CYP3A5: variants seen among roughly 807,000 people sequenced by gnomAD.
The protein encoded by CYP3A5 is cytochrome P450 family 3 subfamily A member 5, also known as cytochrome P450 3A5.
CYP3A5 carries 51 observed loss-of-function variants against 55.9 expected under a neutral mutation model. The ratio of observed to expected loss-of-function variants is 0.91; its 90% CI spans 0.73 to 1.15. The LOEUF is 1.15. Ranked by LOEUF, CYP3A5 falls within the 50% of genes most tolerant of loss-of-function variation. The probability of loss-of-function intolerance (pLI) is 0.00; values close to 1 mark genes in which losing one functional copy is unlikely to be tolerated. For missense variants in CYP3A5, 533 were observed against 596.6 expected (o/e 0.89, Z 1.11); for synonymous variants, 196 against 213.9 (o/e 0.92, Z 0.73).
In CYP3A5 at chr7:99,662,982, C is replaced by T. The variant is rs1810598900; in HGVS notation, c.799-100G>A. On this transcript the variant is annotated intron_variant, in intron 8 of 12. Coordinates refer to ENST00000222982, the MANE Select transcript of CYP3A5 (RefSeq NM_000777.5). The surrounding 1 kb of genome is among the most constrained non-coding windows in gnomAD (Gnocchi z 4.3). Reference sequence around the variant, plus strand: ...CAACCTCCCTTCTTGACTTCCCTCCCTCAACCTCCCTATGGCTTCTTGAAG... The same window carrying T: ...CAACCTCCCTTCTTGACTTCCCTCCTTCAACCTCCCTATGGCTTCTTGAAG... The T allele has an allele frequency of 6.4e-7, 1 of 1,552,590 alleles. No homozygotes were observed. The highest frequency in any genetic ancestry group is 2.3e-5 in the East Asian group (1 of 43,070).
At chr7:99,675,202 A>G (rs1402773072) in intron 2 of CYP3A5, among the ~76,000 whole-genome samples, 1 of 152,234 alleles carries the variant, frequency 6.6e-6, no homozygotes, top group African/African-American at 2.4e-5. Context: ...TGCCACCTCT[A>G]CACATCACAC....
chr7:99,657,801 CTCT>C (rs772470256), intron 10 of CYP3A5, among the ~76,000 whole-genome samples: 295 of 152,256 alleles, frequency 1.9e-3, no homozygotes, highest in Non-Finnish European at 3.4e-3. Context: ...GGATAGTTAG[CTCT>C]TCTTGTTGAA....
chr7:99,677,845 T>A (rs565645972), intron 1 of CYP3A5, among the ~76,000 whole-genome samples: 5 of 152,288 alleles, frequency 3.3e-5, no homozygotes, highest in African/African-American at 9.6e-5. Context: ...TTACCTGACC[T>A]CTCAGGTGAG....
chr7:99,667,129 T>C, intron 4 of CYP3A5, 64 bp from the exon 5 acceptor site: 1 of 1,462,770 alleles, frequency 6.8e-7, no homozygotes. Flanking sequence ...TTGCACAAAA[T>C]ATATTGAAGA....
In CYP3A5 at chr7:99,664,403, G is replaced by A. The variant is rs41303331; in HGVS notation, c.671-308C>T. ...ATTGGACTAGAGTTTTTGGATTAAT[G>A]TAGACCATAATCTGCTGCTTAACTT... is the stretch of plus-strand genomic sequence containing the variant. On this transcript the variant is annotated intron_variant, in intron 7 of 12. Coordinates refer to ENST00000222982, the MANE Select transcript of CYP3A5 (RefSeq NM_000777.5). Among the ~76,000 whole-genome samples, 487 of 152,322 alleles carry A rather than the reference G, an allele frequency of 3.2e-3. 1 individual carries two copies. Among genetic ancestry groups the A allele is most frequent in the African/African-American group, 0.011 (474 of 41,580 alleles).
intron 1 of CYP3A5, chr7:99,677,359 A>C: frequency 1.8e-6 from 1 of 545,392 alleles, no homozygotes; most frequent in Non-Finnish European, 2.3e-6. Flanking sequence ...GAAAAAGATG[A>C]TGTGCATAAA....
chr7:99,676,035 A>G (rs1812241720), intron 2 of CYP3A5, 80 bp downstream of exon 2: 1 of 1,233,454 alleles, frequency 8.1e-7, no homozygotes, highest in Non-Finnish European at 1.2e-6. Context: ...ACTCCCTCCC[A>G]AGGAGGGGCA....
At chr7:99,660,043 C>A in intron 10 of CYP3A5, 1 of 242,264 alleles carries the variant, frequency 4.1e-6, no homozygotes, top group Non-Finnish European at 6.6e-6. Flanking sequence ...CCTGCTTTGG[C>A]TCAGGCTGGG....
At position 99,664,046 on chromosome 7, in the gene CYP3A5, CAG is replaced by C. The variant is rs748669600; in HGVS notation, c.718_719del (p.Leu240ValfsTer11). The C allele has an allele frequency of 6.3e-7, 1 of 1,598,612 alleles. No homozygotes were observed. The highest frequency in any genetic ancestry group is 8.5e-7 in the Non-Finnish European group (1 of 1,176,528). On this transcript the variant is annotated frameshift_variant, in exon 8 of 13. Transcript: ENST00000222982. LOFTEE classifies it high-confidence loss of function. ...TPVFEALNVS[L>X]FPKDTINFLS... is the part of the protein sequence containing the mutation. ...AAAAATTTATGGTATCTTTTGGAAA[CAG>C]AGAGACATTTAATGCTTCAAAAACT...
At chr7:99,672,009 G>A (rs1396788333) in intron 4 of CYP3A5, 5 of 582,088 alleles carry the variant, frequency 8.6e-6, no homozygotes, top group Non-Finnish European at 1.5e-5. Context: ...TATAGTATTA[G>A]GTTGGTGCAA....
chr7:99,665,282 G>T lies in CYP3A5; in HGVS notation c.554C>A (p.Thr185Asn). 6.2e-7 allele frequency: 1 copy of T among 1,614,142 alleles called. No individual in the cohort carries two copies. The highest frequency in any genetic ancestry group is 8.5e-7 in the Non-Finnish European group (1 of 1,179,992). ...IFGAYSMDVI[T>N]GTSFGVNIDS... is the part of the protein sequence containing the mutation. ...GATGTTCACTCCAAATGATGTGCCA[G>T]TAATCACATCCATGCTGTAGGCCCC... Residue 185 changes from threonine (T) to asparagine (N), a missense_variant, in exon 7 of 13, where the codon ACT becomes AAT. Thr to Asn is a moderately conservative substitution (Grantham distance 65, BLOSUM62 0). Transcript: ENST00000222982.
At position 99,652,778 on chromosome 7, in the gene CYP3A5, G is replaced by T. The variant is rs1226533356; in HGVS notation, c.1028C>A (p.Ala343Glu). Residue 343 changes from alanine to glutamate, a missense_variant and splice_region_variant, in exon 11 of 13, where the codon GCA becomes GAA. By Grantham distance (107) the Ala-to-Glu change is moderately radical (BLOSUM62 -1). Coordinates refer to ENST00000222982, the MANE Select transcript of CYP3A5 (RefSeq NM_000777.5). ...TACCACGGCATCATAGGTAGGTGGT[G>T]CCTGGAAGGAAAGAAACAGAATTGG... ...KEIDAVLPNK[A>E]PPTYDAVVQM... is the part of the protein sequence containing the mutation. 6.2e-7 allele frequency: 1 copy of T among 1,611,698 alleles called. No individual in the cohort carries two copies. Among genetic ancestry groups the T allele is most frequent in the South Asian group, 1.1e-5 (1 of 90,818 alleles).
chr7:99,656,355 T>C (rs1809733951), intron 10 of CYP3A5, among the ~76,000 whole-genome samples: 1 of 152,256 alleles, frequency 6.6e-6, no homozygotes, highest in Admixed American at 6.5e-5. Flanking sequence ...GGTTTTGTCG[T>C]TGGTTCTGTT....
chr7:99,649,222 C>T (rs1305928758), intron 12 of CYP3A5, among the ~76,000 whole-genome samples: 1 of 152,188 alleles, frequency 6.6e-6, no homozygotes, highest in Non-Finnish European at 1.5e-5. Flanking sequence ...TGCCTGAATA[C>T]ACACATAGGA....
At position 99,653,815 on chromosome 7, in the gene CYP3A5, GT is replaced by G. The variant is rs1041504389; in HGVS notation, c.1027-1037del. Among the ~76,000 whole-genome samples the G allele has an allele frequency of 4.6e-5, 7 of 152,222 alleles. No individual in the cohort carries two copies. The highest frequency in any genetic ancestry group is 1.7e-4 in the African/African-American group (7 of 41,458). ...GGATGATATGTACCTAGCACTTGGT[GT>G]TATATTTGGGAGGCAGTATTGTAGA... On this transcript the variant is annotated intron_variant, in intron 10 of 12. Coordinates refer to ENST00000222982, the MANE Select transcript of CYP3A5 (RefSeq NM_000777.5). This position sits in a 1 kb window ranked among gnomAD's most constrained non-coding sequence, Gnocchi z 4.2.
chr7:99,660,537 T>C lies in CYP3A5; in HGVS notation c.988A>G (p.Lys330Glu), dbSNP rs1489670280. The C allele has an allele frequency of 6.2e-6, 10 of 1,613,728 alleles. No individual in the cohort carries two copies. The highest frequency in any genetic ancestry group is 8.5e-6 in the Non-Finnish European group (10 of 1,179,856). The change falls in exon 10 of 13, where the codon AAA becomes GAA. Residue 330 changes from lysine to glutamate, a missense_variant. Lys to Glu is a moderately conservative substitution (Grantham distance 56). Coordinates refer to ENST00000222982, the MANE Select transcript of CYP3A5 (RefSeq NM_000777.5). The stretch of plus-strand genomic sequence containing the variant: ...ACTGCATCAATCTCCTTTTGCAGTT[T>C]CTGCTGGACATCAGGGTGAGTGGCC... ...ELATHPDVQQ[K>E]LQKEIDAVLP...
intron 9 of CYP3A5, among the ~76,000 whole-genome samples, chr7:99,661,792 T>C (rs979759304): frequency 3.3e-5 from 5 of 152,248 alleles, no homozygotes; most frequent in Non-Finnish European, 7.3e-5. Context: ...AACCCCATTA[T>C]ACTGAGTTGA....
At chr7:99,660,308 C>A in intron 10 of CYP3A5, 191 bp downstream of exon 10, 1 of 1,110,694 alleles carries the variant, frequency 9.0e-7, no homozygotes, top group Non-Finnish European at 1.1e-6. Context: ...GTACAAAGAT[C>A]TTATGCTTCT....
intron 10 of CYP3A5, among the ~76,000 whole-genome samples, chr7:99,654,470 C>A (rs940166124): frequency 3.3e-5 from 5 of 152,136 alleles, no homozygotes; most frequent in Admixed American, 2.6e-4. Flanking sequence ...TTTTCTTAAT[C>A]CAGTCTATCA....
Sources: allele counts gnomAD v4.1 joint callset (sites outside exome capture counted in the v4.1 genomes callset), GRCh38; gene constraint gnomAD v4.1.1; non-coding constraint Gnocchi (gnomAD v3.1); transcripts MANE v1.5; gene names NCBI Gene and HGNC (gene_info 2026-07-23, HGNC 2026-07-21).